Variants in HEMK2 observed in about 807,000 individuals in gnomAD.
HEMK2 encodes the protein methyltransferase HEMK2.
chr21:28,779,390 CACTT>C, the HEMK2 span, among the ~76,000 whole-genome samples: 1 of 152,104 alleles, frequency 6.6e-6, no homozygotes, highest in Non-Finnish European at 1.5e-5. Flanking sequence ...TGTATGATCT[CACTT>C]ACATGAGGGA....
At chr21:28,659,691 C>T in the HEMK2 span, among the ~76,000 whole-genome samples, 1 of 152,016 alleles carries the variant, frequency 6.6e-6, no homozygotes, top group Non-Finnish European at 1.5e-5. Flanking sequence ...TCATGCTTAG[C>T]CCAAAGGATA....
At chr21:28,754,529 G>A in the HEMK2 span, among the ~76,000 whole-genome samples, 3 of 152,214 alleles carry the variant, frequency 2.0e-5, no homozygotes. Flanking sequence ...AAATGCTAGA[G>A]CAGCAGGCTC....
At chr21:28,819,347 C>T in the HEMK2 span, among the ~76,000 whole-genome samples, 1 of 149,062 alleles carries the variant, frequency 6.7e-6, no homozygotes, top group South Asian at 2.1e-4. Context: ...TGTGTTTATA[C>T]ATATTTTTAT....
the HEMK2 span, among the ~76,000 whole-genome samples, chr21:28,661,641 A>G: frequency 6.6e-6 from 1 of 151,910 alleles, no homozygotes; most frequent in Admixed American, 6.6e-5. Flanking sequence ...GGTTCTAATG[A>G]AGTTCTTTTA....
At chr21:28,744,287 A>G in the HEMK2 span, among the ~76,000 whole-genome samples, 1 of 152,362 alleles carries the variant, frequency 6.6e-6, no homozygotes, top group South Asian at 2.1e-4. Flanking sequence ...ACAATTAAAA[A>G]AAGAAAAAAA....
At chr21:28,669,801 G>C in the HEMK2 span, among the ~76,000 whole-genome samples, 1 of 152,100 alleles carries the variant, frequency 6.6e-6, no homozygotes, top group African/African-American at 2.4e-5. Context: ...TGGATTTGGG[G>C]GTGACTTGTC....
At chr21:28,765,147 G>A in the HEMK2 span, among the ~76,000 whole-genome samples, 1 of 152,068 alleles carries the variant, frequency 6.6e-6, no homozygotes, top group Non-Finnish European at 1.5e-5. Flanking sequence ...AAGAAAGAGT[G>A]ACCTCCAGCT....
At chr21:28,747,095 C>G in the HEMK2 span, among the ~76,000 whole-genome samples, 1 of 152,206 alleles carries the variant, frequency 6.6e-6, no homozygotes, top group African/African-American at 2.4e-5. Context: ...TCTAGAAGAT[C>G]CAGGTTTGTT....
chr21:28,676,509 AT>A, the HEMK2 span, among the ~76,000 whole-genome samples: 8 of 151,818 alleles, frequency 5.3e-5, no homozygotes, highest in African/African-American at 1.7e-4. Context: ...TCATCTTGAA[AT>A]CCTGAAAGAT....
chr21:28,686,590 TGTA>T, the HEMK2 span, among the ~76,000 whole-genome samples: 1 of 152,220 alleles, frequency 6.6e-6, no homozygotes, highest in South Asian at 2.1e-4. Flanking sequence ...TAGACAGACA[TGTA>T]GTAGCAACTA....
At chr21:28,821,732 C>T in the HEMK2 span, among the ~76,000 whole-genome samples, 1 of 152,142 alleles carries the variant, frequency 6.6e-6, no homozygotes, top group African/African-American at 2.4e-5. Flanking sequence ...ATAATAAAAA[C>T]AACAATTCTG....
chr21:28,824,792 T>A, the HEMK2 span, among the ~76,000 whole-genome samples: 6 of 152,194 alleles, frequency 3.9e-5, no homozygotes, highest in Non-Finnish European at 7.4e-5. Flanking sequence ...GTTGTTATTA[T>A]AAAGAAGGGA....
chr21:28,864,842 G>GGTAGAT, the HEMK2 span, among the ~76,000 whole-genome samples: 5 of 136,900 alleles, frequency 3.7e-5, no homozygotes, highest in Non-Finnish European at 8.0e-5. Flanking sequence ...TAGATAGATA[G>GGTAGAT]ATAGATAGAT....
chr21:28,585,955 T>C, the HEMK2 span, among the ~76,000 whole-genome samples: 1 of 152,156 alleles, frequency 6.6e-6, no homozygotes, highest in Non-Finnish European at 1.5e-5. Context: ...CACAATAATA[T>C]CCAGTAAGTA....
chr21:28,860,147 A>G, the HEMK2 span, among the ~76,000 whole-genome samples: 1 of 152,102 alleles, frequency 6.6e-6, no homozygotes, highest in Non-Finnish European at 1.5e-5. Context: ...TTGCTAAAGG[A>G]GATTAAAATT....
chr21:28,789,223 T>C, the HEMK2 span, among the ~76,000 whole-genome samples: 3 of 152,252 alleles, frequency 2.0e-5, no homozygotes, highest in South Asian at 6.2e-4. Context: ...TTATCTTCTA[T>C]ATGTGGCAAC....
the HEMK2 span, among the ~76,000 whole-genome samples, chr21:28,840,926 T>C: frequency 3.9e-4 from 56 of 142,048 alleles, no homozygotes; most frequent in African/African-American, 1.4e-3. Context: ...CAATTTACAA[T>C]TGCAAAATCG....
chr21:28,879,858 T>A, the HEMK2 span: 3 of 1,529,794 alleles, frequency 2.0e-6, no homozygotes, highest in Non-Finnish European at 2.6e-6. Context: ...TAAATTTTGT[T>A]GTATGTTTTA....
the HEMK2 span, among the ~76,000 whole-genome samples, chr21:28,717,945 T>C: frequency 6.6e-6 from 1 of 152,226 alleles, no homozygotes; most frequent in Non-Finnish European, 1.5e-5. Context: ...GCTCTGATTT[T>C]AGTCATTTCT....
Sources: allele counts gnomAD v4.1 joint callset (sites outside exome capture counted in the v4.1 genomes callset), GRCh38; gene constraint gnomAD v4.1.1; transcripts MANE v1.5; gene names NCBI Gene and HGNC (gene_info 2026-07-23, HGNC 2026-07-21).